Variants in ADD3 observed in about 807,000 individuals in gnomAD.
ADD3 encodes adducin 3.
A neutral mutation model predicts 80.2 loss-of-function variants in ADD3; 25 were observed. The ratio of observed to expected loss-of-function variants is 0.31; its 90% confidence interval spans 0.23 to 0.44. The LOEUF (loss-of-function observed/expected upper bound fraction) is 0.44. Among genes scored for constraint, ADD3 ranks in the 20% least tolerant of loss-of-function variants. ADD3 has a pLI of 1.00. For missense variants in ADD3, 829 were observed against 847.5 expected, an observed-to-expected ratio of 0.98 and a Z score of 0.27; for synonymous variants, 284 against 289.6, an observed-to-expected ratio of 0.98 and a Z score of 0.20.
chr10:110,082,376 C>T (rs191209484), intron 1 of ADD3, among the ~76,000 whole-genome samples: 79 of 152,330 alleles, frequency 5.2e-4, no homozygotes, highest in Middle Eastern at 3.4e-3. Context: ...GCTTACTCTA[C>T]ACACTTCCTG....
At chr10:110,029,817 C>T (rs569163182) in intron 1 of ADD3, among the ~76,000 whole-genome samples, 1 of 152,168 alleles carries the variant, frequency 6.6e-6, no homozygotes, top group Non-Finnish European at 1.5e-5. Flanking sequence ...ACAAACTTAA[C>T]TAAAGGTATG....
intron 1 of ADD3, chr10:110,079,391 A>C (rs542114050): frequency 1.1e-4 from 16 of 148,436 alleles, no homozygotes; most frequent in Admixed American, 1.4e-4. Flanking sequence ...CCTCAGCCCC[A>C]CTCCCCAGAA....
chr10:110,103,059 A>T (rs915405114), intron 2 of ADD3, among the ~76,000 whole-genome samples: 1 of 152,140 alleles, frequency 6.6e-6, no homozygotes, highest in Non-Finnish European at 1.5e-5. Flanking sequence ...TTAAAAGTTG[A>T]TATTTTTTTT....
At chr10:110,024,562 T>C (rs1393401585) in intron 1 of ADD3, among the ~76,000 whole-genome samples, 1 of 152,222 alleles carries the variant, frequency 6.6e-6, no homozygotes, top group Admixed American at 6.5e-5. Context: ...TATTGGGACA[T>C]AGTGATTTTA....
intron 1 of ADD3, among the ~76,000 whole-genome samples, chr10:110,075,062 A>G (rs1406235578): frequency 6.6e-6 from 1 of 152,206 alleles, no homozygotes; most frequent in Admixed American, 6.5e-5. Context: ...GTTCCCAACA[A>G]CTTTCACATT....
chr10:110,105,094 C>T (rs1849263022), intron 2 of ADD3, among the ~76,000 whole-genome samples: 1 of 152,112 alleles, frequency 6.6e-6, no homozygotes, highest in Admixed American at 6.6e-5. Context: ...CCCCTTATTG[C>T]TTTGAGCTGA....
In ADD3 at chr10:110,130,353, T is replaced by C. The variant is rs1564673443; in HGVS notation, c.1609-10T>C. On this transcript the variant is annotated splice_polypyrimidine_tract_variant and intron_variant, in intron 12 of 14. Transcript: ENST00000356080. ...TGGTAATGAATCGATTTTTATTTTT[T>C]CTTTGTAAGACTATGCAATTTGAAG... The C allele has an allele frequency of 6.2e-7, 1 of 1,612,554 alleles. No homozygotes were observed.
intron 1 of ADD3, among the ~76,000 whole-genome samples, chr10:110,025,592 G>T (rs943138535): frequency 8.5e-5 from 13 of 152,114 alleles, no homozygotes; most frequent in Admixed American, 3.9e-4. Flanking sequence ...AATAGAGAGG[G>T]TGATAAAATC....
intron 1 of ADD3, among the ~76,000 whole-genome samples, chr10:110,024,427 A>G (rs1217115484): frequency 6.6e-6 from 1 of 152,228 alleles, no homozygotes; most frequent in African/African-American, 2.4e-5. Context: ...CCAATCCAGT[A>G]AGACTTTTTG....
chr10:110,111,920 AAAAG>A (rs1014286858), intron 2 of ADD3, among the ~76,000 whole-genome samples: 3 of 152,158 alleles, frequency 2.0e-5, no homozygotes, highest in Non-Finnish European at 4.4e-5. Context: ...TCTCAAAAAA[AAAAG>A]AAAAAAAAAT....
intron 11 of ADD3, 90 bp downstream of exon 11, chr10:110,126,035 A>G: frequency 7.6e-7 from 1 of 1,319,492 alleles, no homozygotes; most frequent in Non-Finnish European, 1.0e-6. Flanking sequence ...TGCCAAACTT[A>G]GAAGTTTGAA....
intron 1 of ADD3, among the ~76,000 whole-genome samples, chr10:110,053,369 ATCT>A (rs952326332): frequency 4.6e-5 from 7 of 152,030 alleles, no homozygotes; most frequent in Non-Finnish European, 1.0e-4. Flanking sequence ...TTCTCAATGT[ATCT>A]TCTTTTTGGT....
intron 2 of ADD3, among the ~76,000 whole-genome samples, chr10:110,105,108 A>T (rs988792314): frequency 6.6e-6 from 1 of 152,194 alleles, no homozygotes. Flanking sequence ...GAGCTGAGAA[A>T]ATAACAAATA....
upstream of ADD3, among the ~76,000 whole-genome samples, chr10:110,007,658 C>T (rs950616722): frequency 5.3e-5 from 8 of 152,184 alleles, no homozygotes; most frequent in African/African-American, 1.9e-4. Flanking sequence ...CGAACCAGGC[C>T]CTCCCGGCTG....
At chr10:110,093,051 G>T (rs951506525) in intron 1 of ADD3, among the ~76,000 whole-genome samples, 1 of 152,092 alleles carries the variant, frequency 6.6e-6, no homozygotes, top group South Asian at 2.1e-4. Context: ...TAGAGATGGG[G>T]TTTCACCATA....
chr10:110,046,887 A>C (rs1856967427), intron 1 of ADD3, among the ~76,000 whole-genome samples: 1 of 145,396 alleles, frequency 6.9e-6, no homozygotes, highest in African/African-American at 2.4e-5. Context: ...ATACTGTCAT[A>C]ATCCAGGATA....
chr10:110,007,446 T>A (rs1418487576), upstream of ADD3, among the ~76,000 whole-genome samples: 1 of 152,144 alleles, frequency 6.6e-6, no homozygotes. Flanking sequence ...CGGCCGAGGC[T>A]GACTCAAAGC....
intron 13 of ADD3, among the ~76,000 whole-genome samples, chr10:110,131,093 A>T (rs746237823): frequency 1.3e-5 from 2 of 152,216 alleles, no homozygotes; most frequent in Non-Finnish European, 2.9e-5. Context: ...ATTTCTGGTT[A>T]TCTCAAGGTG....
intron 1 of ADD3, among the ~76,000 whole-genome samples, chr10:110,020,186 C>T (rs1374185231): frequency 6.6e-6 from 1 of 152,156 alleles, no homozygotes; most frequent in Admixed American, 6.5e-5. Context: ...TTTATTCATT[C>T]AACAAATATT....
Sources: gnomAD v4.1 joint callset for allele counts (sites outside exome capture counted in the v4.1 genomes callset) on GRCh38, gnomAD v4.1.1 for gene constraint, MANE v1.5 for transcripts, NCBI Gene and HGNC (gene_info 2026-07-23, HGNC 2026-07-21) for gene names.